Variants in UTRN observed in about 807,000 individuals in gnomAD.
The protein encoded by UTRN is utrophin.
Under a neutral mutation model 463.9 loss-of-function variants are expected in UTRN, and 283 were observed. That is an observed-to-expected ratio of 0.61 (90% CI 0.55 to 0.67). The LOEUF is 0.67. Among genes scored for constraint, UTRN ranks in the 30% least tolerant of loss-of-function variants. The pLI is 0.00. For missense variants in UTRN, 3,922 were observed against 4,084.3 expected (o/e 0.96, Z 1.08); for synonymous variants, 1,442 against 1,431.5 (o/e 1.01, Z -0.17).
At chr6:144,428,253 T>C (rs1366414117) in intron 7 of UTRN, among the ~76,000 whole-genome samples, 1 of 152,180 alleles carries the variant, frequency 6.6e-6, no homozygotes, top group Non-Finnish European at 1.5e-5. Context: ...TTCCAAGGCT[T>C]TTGTTTTAGG....
intron 74 of UTRN, among the ~76,000 whole-genome samples, chr6:144,847,487 G>T (rs1456525023): frequency 6.6e-6 from 1 of 152,158 alleles, no homozygotes; most frequent in African/African-American, 2.4e-5. Flanking sequence ...GCAGGAGGGG[G>T]TGGAGGAACA....
intron 3 of UTRN, among the ~76,000 whole-genome samples, chr6:144,420,157 TGAA>T (rs1784708164): frequency 6.6e-6 from 1 of 152,128 alleles, no homozygotes; most frequent in South Asian, 2.1e-4. Context: ...AAGTGAGAAA[TGAA>T]GAAGATAAAA....
chr6:144,652,327 T>C (rs1778902643), intron 51 of UTRN, among the ~76,000 whole-genome samples: 1 of 152,200 alleles, frequency 6.6e-6, no homozygotes, highest in South Asian at 2.1e-4. Context: ...GGAATAAGAC[T>C]TAATCACTAT....
At chr6:144,589,575 T>A (rs1802800565) in intron 51 of UTRN, among the ~76,000 whole-genome samples, 2 of 152,158 alleles carry the variant, frequency 1.3e-5, no homozygotes. Flanking sequence ...TGGGATAAAA[T>A]GGGTCACTCA....
intron 51 of UTRN, among the ~76,000 whole-genome samples, chr6:144,578,695 C>T (rs1801679362): frequency 6.6e-6 from 1 of 152,154 alleles, no homozygotes; most frequent in Non-Finnish European, 1.5e-5. Context: ...TCTTCAAGGG[C>T]AGAGATTATA....
Position 144,530,939 on chromosome 6 carries a change from G to C in UTRN, c.5907-113G>C, listed in dbSNP as rs1383641411. The C allele has an allele frequency of 3.3e-6, 4 of 1,210,546 alleles. No individual in the cohort carries two copies. The African/African-American group carries it at 4.6e-5, about 14-fold the overall frequency. The allele number at this position is 1,210,546 out of a possible 1,614,324, so 75.0% of individuals were successfully genotyped here. ...TGTGGAGCAATAGGCTGTGAATTCA[G>C]TTGTTTGAGGTCTTTCTGTTTAAAT... On this transcript the variant is annotated intron_variant, in intron 41 of 74. Transcript: ENST00000367545.
chr6:144,848,126 G>A (rs1341236856), intron 74 of UTRN, among the ~76,000 whole-genome samples: 3 of 152,166 alleles, frequency 2.0e-5, no homozygotes, highest in Non-Finnish European at 4.4e-5. Flanking sequence ...TGGAAGCCGG[G>A]ACTTTAGCAG....
intron 33 of UTRN, among the ~76,000 whole-genome samples, chr6:144,496,838 G>A (rs1435644366): frequency 6.6e-6 from 1 of 152,176 alleles, no homozygotes; most frequent in Non-Finnish European, 1.5e-5. Context: ...TGCATAAGCC[G>A]AGATCTGAAG....
intron 53 of UTRN, among the ~76,000 whole-genome samples, chr6:144,707,720 C>T (rs1170258327): frequency 1.3e-5 from 2 of 152,160 alleles, no homozygotes; most frequent in Admixed American, 1.3e-4. Flanking sequence ...TCTGATTCAG[C>T]AGGTTTTGGG....
chr6:144,416,455 C>A (rs73597094), intron 3 of UTRN, among the ~76,000 whole-genome samples: 5,240 of 152,268 alleles, frequency 0.034, 275 homozygotes, highest in African/African-American at 0.11. Flanking sequence ...GCTTCCCTCA[C>A]ATGTGTCATC....
At chr6:144,819,911 C>CCTCCTCCTGTCTCT (rs11397588) in intron 65 of UTRN, among the ~76,000 whole-genome samples, 12 of 118,632 alleles carry the variant, frequency 1.0e-4, no homozygotes, top group East Asian at 3.2e-4. Context: ...TCCTCCTCCT[C>CCTCCTCCTGTCTCT]CTCTCTCTCT....
chr6:144,813,685 A>G (rs1407916787), intron 65 of UTRN, among the ~76,000 whole-genome samples: 1 of 152,254 alleles, frequency 6.6e-6, no homozygotes, highest in Non-Finnish European at 1.5e-5. Context: ...AAAACGTACA[A>G]GACATCACTG....
In UTRN at chr6:144,730,431, T is replaced by C; in HGVS notation, c.7884T>C (p.Ala2628=). The change falls in exon 54 of 75, where the codon GCT becomes GCC. Residue 2628 remains alanine (A), a synonymous_variant. Coordinates refer to ENST00000367545, the MANE Select transcript of UTRN (RefSeq NM_007124.3). ...NAVDQARVFL[A]DQPIEAPEEP... ...TCGACCAGGCCCGAGTTTTCTTGGC[T>C]GATCAGCCAATTGAGGCCCCTGAAG... 6.2e-7 allele frequency: 1 copy of C among 1,611,592 alleles called. No individual in the cohort carries two copies. Among genetic ancestry groups the C allele is most frequent in the South Asian group, 1.1e-5 (1 of 90,812 alleles).
At chr6:144,361,651 A>G (rs747990899) in intron 2 of UTRN, among the ~76,000 whole-genome samples, 1 of 152,116 alleles carries the variant, frequency 6.6e-6, no homozygotes, top group Non-Finnish European at 1.5e-5. Flanking sequence ...GTGCAATGGC[A>G]TGACCATGGC....
In UTRN at chr6:144,487,579, A is replaced by G. The variant is rs761464183; in HGVS notation, c.3854A>G (p.Asp1285Gly). The change falls in exon 29 of 75, where the codon GAT becomes GGT. Residue 1285 changes from aspartate to glycine, a missense_variant. Around this residue, in one of 3 missense-constraint regions of UTRN, gnomAD observed 2,349 missense variants for 2,303.8 expected, o/e 1.02. Coordinates refer to ENST00000367545, the MANE Select transcript of UTRN (RefSeq NM_007124.3). ...SLESVLRHPA[D>G]NRTQIRELGQ... ...GAATCTGTTCTGCGCCACCCGGCAG[A>G]TAATCGCACCCAGATTCGAGAGCTT... The G allele has an allele frequency of 6.8e-6, 11 of 1,613,070 alleles. No homozygotes were observed.
chr6:144,775,406 A>G (rs1337099769), intron 60 of UTRN, among the ~76,000 whole-genome samples: 1 of 152,208 alleles, frequency 6.6e-6, no homozygotes, highest in African/African-American at 2.4e-5. Context: ...CAATGCAAGG[A>G]AGAATGAGAT....
At chr6:144,570,189 G>T (rs1800808906) in intron 50 of UTRN, among the ~76,000 whole-genome samples, 1 of 152,122 alleles carries the variant, frequency 6.6e-6, no homozygotes, top group East Asian at 1.9e-4. Context: ...AGGTCTGGAT[G>T]GTCAGTAGAA....
chr6:144,334,234 G>A (rs2114612959), intron 2 of UTRN, among the ~76,000 whole-genome samples: 1 of 145,736 alleles, frequency 6.9e-6, no homozygotes, highest in Admixed American at 7.3e-5. Flanking sequence ...CCTGTTGCTG[G>A]CTATTCTTGC....
At chr6:144,294,777 G>C (rs779789050) in intron 2 of UTRN, among the ~76,000 whole-genome samples, 1 of 137,020 alleles carries the variant, frequency 7.3e-6, no homozygotes, top group African/African-American at 3.3e-5. Flanking sequence ...TTTGTTTCAT[G>C]CCATTTTGAA....
Sources: allele counts gnomAD v4.1 joint callset (sites outside exome capture counted in the v4.1 genomes callset), GRCh38; gene constraint gnomAD v4.1.1; regional missense constraint gnomAD v4.1.1; transcripts MANE v1.5; gene names NCBI Gene and HGNC (gene_info 2026-07-23, HGNC 2026-07-21).